Variants in MSRB3 observed in about 807,000 individuals in gnomAD.
MSRB3 encodes methionine sulfoxide reductase B3.
Under a neutral mutation model 21.0 loss-of-function variants are expected in MSRB3, and 13 were observed. The ratio of observed to expected loss-of-function variants is 0.62; its 90% CI spans 0.40 to 0.98. The LOEUF (loss-of-function observed/expected upper bound fraction) is 0.98. Among genes scored for constraint, MSRB3 ranks in the 50% least tolerant of loss-of-function variants. MSRB3 has a pLI of 0.00. For missense variants in MSRB3, 199 were observed against 230.3 expected, an observed-to-expected ratio of 0.86 and a Z score of 0.88; for synonymous variants, 87 against 88.6, an observed-to-expected ratio of 0.98 and a Z score of 0.10.
intron 1 of MSRB3, 180 bp downstream of exon 1, chr12:65,279,045 C>T: frequency 7.0e-7 from 1 of 1,427,406 alleles, no homozygotes; most frequent in Non-Finnish European, 9.1e-7. Context: ...CGCCCCGCGC[C>T]AGCGGTGAGG....
At chr12:65,357,407 T>G (rs1048312622) in intron 4 of MSRB3, among the ~76,000 whole-genome samples, 3 of 151,948 alleles carry the variant, frequency 2.0e-5, no homozygotes, top group African/African-American at 4.8e-5. Context: ...CAGTTTTCTA[T>G]TTACAGAAAA....
intron 4 of MSRB3, among the ~76,000 whole-genome samples, chr12:65,362,379 T>C (rs1048860407): frequency 6.6e-6 from 1 of 152,192 alleles, no homozygotes; most frequent in African/African-American, 2.4e-5. Flanking sequence ...TTCCTCTCAC[T>C]GCTCAGGACT....
At chr12:65,407,771 G>A (rs1007456443) in intron 5 of MSRB3, among the ~76,000 whole-genome samples, 46 of 151,852 alleles carry the variant, frequency 3.0e-4, no homozygotes, top group African/African-American at 1.0e-3. Flanking sequence ...TTATTGTTTT[G>A]GAGGTTTCTA....
chr12:65,366,415 T>G (rs1878018449), intron 4 of MSRB3, among the ~76,000 whole-genome samples: 1 of 152,090 alleles, frequency 6.6e-6, no homozygotes, highest in South Asian at 2.1e-4. Flanking sequence ...ATGCTGGTAG[T>G]CAGAGATTCA....
chr12:65,343,116 ATC>A (rs1376800169), intron 4 of MSRB3, among the ~76,000 whole-genome samples: 2 of 152,090 alleles, frequency 1.3e-5, no homozygotes, highest in African/African-American at 4.8e-5. Flanking sequence ...TAAACACATC[ATC>A]TCTCTATGAC....
intron 4 of MSRB3, among the ~76,000 whole-genome samples, chr12:65,329,647 C>CAAAA (rs11443001): frequency 1.2e-5 from 1 of 84,824 alleles, no homozygotes; most frequent in African/African-American, 3.7e-5. Context: ...GATTCCGTCT[C>CAAAA]AAAAAAAAAA....
At chr12:65,460,772 A>G (rs1470478980) in intron 6 of MSRB3, among the ~76,000 whole-genome samples, 1 of 146,512 alleles carries the variant, frequency 6.8e-6, no homozygotes, top group Non-Finnish European at 1.5e-5. Context: ...TTAGGGACAC[A>G]CCTAGAATCA....
chr12:65,452,508 A>C (rs1490371933), intron 5 of MSRB3, among the ~76,000 whole-genome samples: 1 of 152,158 alleles, frequency 6.6e-6, no homozygotes, highest in Non-Finnish European at 1.5e-5. Flanking sequence ...ATGTCTCAGC[A>C]TAATTAATTT....
intron 1 of MSRB3, among the ~76,000 whole-genome samples, chr12:65,282,358 G>T (rs903977361): frequency 4.0e-5 from 6 of 151,750 alleles, no homozygotes; most frequent in African/African-American, 1.5e-4. Context: ...CCTCATCCAT[G>T]TTCATATATT....
At chr12:65,379,532 AC>A (rs1022031646) in intron 5 of MSRB3, among the ~76,000 whole-genome samples, 61 of 152,238 alleles carry the variant, frequency 4.0e-4, no homozygotes, top group African/African-American at 1.3e-3. Flanking sequence ...GTCAGTCCCC[AC>A]TCATCAGAGG....
At chr12:65,347,300 C>A (rs1259551880) in intron 4 of MSRB3, among the ~76,000 whole-genome samples, 1 of 152,148 alleles carries the variant, frequency 6.6e-6, no homozygotes, top group African/African-American at 2.4e-5. Flanking sequence ...AGATCCTTCA[C>A]GTCCCTTGTA....
chr12:65,346,931 T>C (rs1876554153), intron 4 of MSRB3, among the ~76,000 whole-genome samples: 1 of 152,188 alleles, frequency 6.6e-6, no homozygotes, highest in Admixed American at 6.5e-5. Context: ...CTCTGTTCTG[T>C]TCCATTGGTC....
At chr12:65,323,961 T>C (rs1194975841) in intron 2 of MSRB3, among the ~76,000 whole-genome samples, 1 of 152,198 alleles carries the variant, frequency 6.6e-6, no homozygotes, top group Non-Finnish European at 1.5e-5. Context: ...ATCACAATAG[T>C]TGTTTCTAGT....
At chr12:65,425,446 C>G (rs1229352109) in intron 5 of MSRB3, among the ~76,000 whole-genome samples, 1 of 152,000 alleles carries the variant, frequency 6.6e-6, no homozygotes, top group East Asian at 1.9e-4. Flanking sequence ...TCTTTTATGA[C>G]TTTCCTTTGT....
chr12:65,419,697 C>T (rs1461545990), intron 5 of MSRB3: 2 of 768,236 alleles, frequency 2.6e-6, no homozygotes, highest in Non-Finnish European at 4.6e-6. Flanking sequence ...TTTTACTCTC[C>T]ACCTTCCAGT....
intron 4 of MSRB3, among the ~76,000 whole-genome samples, chr12:65,364,090 A>G (rs1877865966): frequency 6.6e-6 from 1 of 152,104 alleles, no homozygotes; most frequent in Non-Finnish European, 1.5e-5. Flanking sequence ...TTTTTCCCTC[A>G]TGATCTAGGA....
At chr12:65,282,567 A>G (rs980067866) in intron 1 of MSRB3, among the ~76,000 whole-genome samples, 1 of 152,202 alleles carries the variant, frequency 6.6e-6, no homozygotes, top group Non-Finnish European at 1.5e-5. Context: ...TTGGAAAACC[A>G]TTGGAAGTCA....
Position 65,419,551 on chromosome 12 carries a change from G to A in MSRB3, c.293-34177G>A, listed in dbSNP as rs959799349. ...TCTAAAGGCATCAGCAGCAAGATGG[G>A]CATTGTCGATCTGCAGAACAATGTG... On this transcript the variant is annotated intron_variant, in intron 5 of 6. Coordinates refer to ENST00000308259, the MANE Select transcript of MSRB3 (RefSeq NM_001031679.3). 5 of 739,618 alleles carry A rather than the reference G, an allele frequency of 6.8e-6. No homozygotes were observed. In the African/African-American group the frequency reaches 6.9e-5, roughly 10 times the overall value. The allele number at this position is 739,618 out of a possible 1,614,324, so 45.8% of individuals were successfully genotyped here.
Position 65,348,491 on chromosome 12 carries a change from G to T in MSRB3, c.263+19888G>T, listed in dbSNP as rs1592549365. Among the ~76,000 whole-genome samples, 6 of 151,764 alleles carry T rather than the reference G, an allele frequency of 4.0e-5. No homozygotes were observed. In the South Asian group the frequency reaches 1.0e-3, roughly 26 times the overall value. On this transcript the variant is annotated intron_variant, in intron 4 of 6. Transcript: ENST00000308259. ...TTCTTCTCTCTTTTCTTCTTTATTA[G>T]TCTTGCTAGCAGTCTATCAATTTTG... is the stretch of plus-strand genomic sequence containing the variant.
Sources: allele counts gnomAD v4.1 joint callset (sites outside exome capture counted in the v4.1 genomes callset), GRCh38; gene constraint gnomAD v4.1.1; transcripts MANE v1.5; gene names NCBI Gene and HGNC (gene_info 2026-07-23, HGNC 2026-07-21).